Variants in CORIN observed in about 807,000 individuals in gnomAD.
CORIN encodes atrial natriuretic peptide-converting enzyme.
CORIN carries 117 observed loss-of-function variants against 125.3 expected under a neutral mutation model. The ratio of observed to expected loss-of-function variants is 0.93; its 90% CI spans 0.80 to 1.09. The LOEUF (loss-of-function observed/expected upper bound fraction) is 1.09, where lower values mean the gene tolerates loss of function less well. CORIN is among the 50% of genes least tolerant of loss of function. The pLI is 0.00. For missense variants in CORIN, 1,253 were observed against 1,306.7 expected (o/e 0.96, Z 0.63); for synonymous variants, 450 against 466.4 (o/e 0.96, Z 0.45).
intron 1 of CORIN, among the ~76,000 whole-genome samples, chr4:47,836,932 G>C (rs1399547883): frequency 1.3e-5 from 2 of 152,238 alleles, no homozygotes; most frequent in Non-Finnish European, 2.9e-5. Flanking sequence ...ATTCGGAGCA[G>C]CTGGGACCCT....
intron 5 of CORIN, among the ~76,000 whole-genome samples, chr4:47,693,669 G>A (rs1203253862): frequency 6.6e-6 from 1 of 152,174 alleles, no homozygotes; most frequent in Non-Finnish European, 1.5e-5. Flanking sequence ...TAAGGAACGG[G>A]AAATGGCATT....
intron 19 of CORIN, among the ~76,000 whole-genome samples, chr4:47,622,928 G>A (rs12332008): frequency 1.4e-4 from 21 of 151,548 alleles, no homozygotes; most frequent in African/African-American, 3.9e-4. Flanking sequence ...ACTCTTCCTC[G>A]GAGCCAATCC....
rs1721535371 is a variant in CORIN at position 47,603,627 on chromosome 4, T to C, written c.2582A>G (p.Asn861Ser). 2 of 1,614,098 alleles carry C rather than the reference T, an allele frequency of 1.2e-6. No homozygotes were observed. Among genetic ancestry groups the C allele is most frequent in the East Asian group, 2.2e-5 (1 of 44,898 alleles). The change falls in exon 20 of 22, where the codon AAC becomes AGC. Residue 861 changes from asparagine to serine, a missense_variant. Asn to Ser is a conservative substitution (Grantham distance 46, BLOSUM62 1). Transcript: ENST00000273857. ...AAVWKVVLGI[N>S]NLDHPSVFMQ... The stretch of plus-strand genomic sequence containing the variant: ...GAACACTGATGGATGGTCTAGATTG[T>C]TGATGCCAAGCACCACTTTCCAAAC...
chr4:47,775,611 G>A (rs1328142037), intron 3 of CORIN, among the ~76,000 whole-genome samples: 1 of 152,064 alleles, frequency 6.6e-6, no homozygotes, highest in Non-Finnish European at 1.5e-5. Flanking sequence ...TTAATGACTG[G>A]CATGCTTTAA....
intron 3 of CORIN, among the ~76,000 whole-genome samples, chr4:47,767,911 A>T (rs1031290486): frequency 2.6e-5 from 4 of 152,218 alleles, no homozygotes; most frequent in Non-Finnish European, 4.4e-5. Context: ...AATAATGAGA[A>T]AGGATATTGA....
At chr4:47,830,020 A>C (rs1272963694) in intron 1 of CORIN, among the ~76,000 whole-genome samples, 1 of 152,210 alleles carries the variant, frequency 6.6e-6, no homozygotes, top group Admixed American at 6.5e-5. Flanking sequence ...GTTTTAAAGG[A>C]TGACAGAGAA....
At chr4:47,765,312 CAA>C (rs59527992) in intron 3 of CORIN, among the ~76,000 whole-genome samples, 103 of 143,940 alleles carry the variant, frequency 7.2e-4, no homozygotes, top group African/African-American at 2.0e-3. Context: ...CTCCGTCCCC[CAA>C]AAAAAAAAAA....
chr4:47,665,401 T>C (rs951555104), intron 10 of CORIN, 138 bp from the exon 11 acceptor site: 1 of 634,030 alleles, frequency 1.6e-6, no homozygotes, highest in Non-Finnish European at 2.7e-6. Context: ...TATAACATTT[T>C]TTATGGATAT....
chr4:47,759,137 C>T (rs750976356), intron 4 of CORIN, among the ~76,000 whole-genome samples: 9 of 152,098 alleles, frequency 5.9e-5, no homozygotes, highest in Non-Finnish European at 1.0e-4. Flanking sequence ...AGAAAAGACA[C>T]TCAATAAATG....
In CORIN at chr4:47,797,577, T is replaced by A. The variant is rs73135998; in HGVS notation, c.208+9326A>T. ...ATGGGGTTATGGATCATGGGGTTAC[T>A]ATGACAACAGGTCATAGCACAAAGG... On this transcript the variant is annotated intron_variant, in intron 2 of 21. Coordinates refer to ENST00000273857, the MANE Select transcript of CORIN (RefSeq NM_006587.4). Among the ~76,000 whole-genome samples the A allele has an allele frequency of 1.0e-2, 1,519 of 152,220 alleles. 23 individuals carry two copies. The highest frequency in any genetic ancestry group is 0.033 in the African/African-American group (1,373 of 41,568).
At chr4:47,620,533 T>C (rs1722264733) in intron 19 of CORIN, among the ~76,000 whole-genome samples, 1 of 152,192 alleles carries the variant, frequency 6.6e-6, no homozygotes, top group Non-Finnish European at 1.5e-5. Flanking sequence ...TAGGTGTTTA[T>C]GATTGTGGGA....
intron 5 of CORIN, among the ~76,000 whole-genome samples, chr4:47,731,639 G>A (rs1048775339): frequency 3.9e-5 from 6 of 152,148 alleles, no homozygotes; most frequent in African/African-American, 1.4e-4. Flanking sequence ...GGGAGGCTGA[G>A]ACAGGTGGAT....
intron 1 of CORIN, among the ~76,000 whole-genome samples, chr4:47,814,284 A>C (rs188890697): frequency 1.2e-3 from 180 of 152,300 alleles, no homozygotes; most frequent in African/African-American, 4.1e-3. Flanking sequence ...AATCTAAAGA[A>C]ATGCAGACAC....
chr4:47,756,420 A>T (rs1171244814), intron 4 of CORIN, among the ~76,000 whole-genome samples: 3 of 152,204 alleles, frequency 2.0e-5, no homozygotes, highest in African/African-American at 7.2e-5. Context: ...TTGCCAGATG[A>T]AATTCTTTAA....
chr4:47,627,200 C>G (rs1722614142), intron 16 of CORIN, among the ~76,000 whole-genome samples: 4 of 152,122 alleles, frequency 2.6e-5, no homozygotes, highest in Non-Finnish European at 1.5e-5. Context: ...CCAGGGTGGT[C>G]TTAAACTCCT....
intron 19 of CORIN, among the ~76,000 whole-genome samples, chr4:47,613,407 C>T (rs1289493243): frequency 9.2e-5 from 14 of 152,060 alleles, no homozygotes; most frequent in African/African-American, 3.4e-4. Flanking sequence ...GAGCCGAGAC[C>T]GTGCCATTGC....
In CORIN at chr4:47,599,887, C is replaced by G. The variant is rs1721385550; in HGVS notation, c.2946+327G>C. Among the ~76,000 whole-genome samples the G allele has an allele frequency of 2.0e-5, 3 of 152,150 alleles. No homozygotes were observed. The South Asian group carries it at 6.2e-4, about 32-fold the overall frequency. ...GTGGAAGCCATGGTTACTACTAGCT[C>G]CTCTTAGAACCTCATTTATCCTAGC... is the stretch of plus-strand genomic sequence containing the variant. On this transcript the variant is annotated intron_variant, in intron 21 of 21. Coordinates refer to ENST00000273857, the MANE Select transcript of CORIN (RefSeq NM_006587.4).
intron 5 of CORIN, among the ~76,000 whole-genome samples, chr4:47,734,006 G>A (rs1250875680): frequency 6.6e-6 from 1 of 152,114 alleles, no homozygotes; most frequent in Non-Finnish European, 1.5e-5. Flanking sequence ...TTGTGAGAAG[G>A]GGGCTGTAGC....
chr4:47,597,837 C>T (rs190182409), intron 21 of CORIN, among the ~76,000 whole-genome samples: 1 of 152,208 alleles, frequency 6.6e-6, no homozygotes, highest in African/African-American at 2.4e-5. Context: ...TATAAACAAA[C>T]GAATAAGGCA....
Sources: gnomAD v4.1 joint callset for allele counts (sites outside exome capture counted in the v4.1 genomes callset) on GRCh38, gnomAD v4.1.1 for gene constraint, MANE v1.5 for transcripts, NCBI Gene and HGNC (gene_info 2026-07-23, HGNC 2026-07-21) for gene names.